ELOVL7: variants seen among roughly 807,000 people sequenced by gnomAD.
The protein encoded by ELOVL7 is very long chain fatty acid elongase 7.
Under a neutral mutation model 35.7 loss-of-function variants are expected in ELOVL7, and 27 were observed. The observed-to-expected ratio is 0.76, with a 90% CI of 0.56 to 1.04. The LOEUF (loss-of-function observed/expected upper bound fraction) is 1.04, where lower values mean the gene tolerates loss of function less well. Among genes scored for constraint, ELOVL7 ranks in the 50% least tolerant of loss-of-function variants. The pLI is 0.00. For synonymous variants in ELOVL7, 113 were observed against 114.6 expected (o/e 0.99, Z 0.09); for missense variants, 327 against 340.8 (o/e 0.96, Z 0.32).
intron 3 of ELOVL7, among the ~76,000 whole-genome samples, chr5:60,776,534 C>T (rs1454015243): frequency 6.6e-6 from 1 of 152,148 alleles, no homozygotes; most frequent in Non-Finnish European, 1.5e-5. Context: ...GAGTACTATG[C>T]AGTCATTAAA....
At chr5:60,809,216 C>T (rs1286621617) in intron 1 of ELOVL7, among the ~76,000 whole-genome samples, 1 of 151,912 alleles carries the variant, frequency 6.6e-6, no homozygotes, top group Non-Finnish European at 1.5e-5. Context: ...ATTGGTATGT[C>T]GAAGAATCTA....
chr5:60,842,413 G>A (rs1190485971), intron 1 of ELOVL7, among the ~76,000 whole-genome samples: 1 of 149,808 alleles, frequency 6.7e-6, no homozygotes, highest in Non-Finnish European at 1.5e-5. Context: ...TAAAACTGAA[G>A]AAGACATGGA....
intron 1 of ELOVL7, among the ~76,000 whole-genome samples, chr5:60,834,288 C>A (rs957293869): frequency 6.6e-6 from 1 of 151,998 alleles, no homozygotes; most frequent in African/African-American, 2.4e-5. Context: ...ATTACAGGTG[C>A]CCGCCACCAC....
intron 4 of ELOVL7, 125 bp from the exon 5 acceptor site, chr5:60,768,028 G>A: frequency 1.5e-6 from 1 of 651,320 alleles, no homozygotes; most frequent in Non-Finnish European, 2.7e-6. Flanking sequence ...AGAGGAAAAG[G>A]TAGCTGGAAC....
chr5:60,829,533 G>A (rs999231624), intron 1 of ELOVL7, among the ~76,000 whole-genome samples: 1 of 152,060 alleles, frequency 6.6e-6, no homozygotes, highest in Non-Finnish European at 1.5e-5. Context: ...TATTTACCAT[G>A]AAAAATATTA....
chr5:60,835,960 A>G (rs1239177919), intron 1 of ELOVL7, among the ~76,000 whole-genome samples: 1 of 152,042 alleles, frequency 6.6e-6, no homozygotes, highest in Non-Finnish European at 1.5e-5. Context: ...AGACTACTAG[A>G]AGCCACTGTT....
intron 3 of ELOVL7, among the ~76,000 whole-genome samples, chr5:60,776,192 T>C (rs780199615): frequency 2.6e-5 from 4 of 152,122 alleles, no homozygotes; most frequent in Non-Finnish European, 4.4e-5. Flanking sequence ...AAAGAAGACA[T>C]ACAAGCGGCC....
chr5:60,824,231 G>T (rs1561469296), intron 1 of ELOVL7, among the ~76,000 whole-genome samples: 1 of 152,170 alleles, frequency 6.6e-6, no homozygotes, highest in Non-Finnish European at 1.5e-5. Context: ...AAGAGAAGGA[G>T]GTATAAGAGA....
intron 3 of ELOVL7, among the ~76,000 whole-genome samples, chr5:60,781,212 GAAAA>G (rs34249182): frequency 8.0e-6 from 1 of 124,520 alleles, no homozygotes. Flanking sequence ...CCCTGTCTCA[GAAAA>G]AAAAAAAAAA....
At chr5:60,758,824 T>G (rs1353599074) in intron 7 of ELOVL7, among the ~76,000 whole-genome samples, 4 of 152,214 alleles carry the variant, frequency 2.6e-5, no homozygotes, top group Non-Finnish European at 5.9e-5. Context: ...AGCTTAGTAA[T>G]GTTGACCTGG....
intron 1 of ELOVL7, among the ~76,000 whole-genome samples, chr5:60,815,764 G>A (rs1745482201): frequency 6.6e-6 from 1 of 151,960 alleles, no homozygotes; most frequent in African/African-American, 2.4e-5. Flanking sequence ...TAGAGATGGG[G>A]TTTCACCATG....
rs765138464 is a variant in ELOVL7 at position 60,772,005 on chromosome 5, C to G, written c.153G>C (p.Leu51Phe). ...LGFYVYFVTS[L>F]GPKLMENRKP... Reference sequence around the variant, plus strand: ...TGCGATTTTCCATGAGCTTTGGTCCCAAGGAAGTGACAAAATAGACATAGA... The same window carrying G: ...TGCGATTTTCCATGAGCTTTGGTCCGAAGGAAGTGACAAAATAGACATAGA... Residue 51 changes from leucine to phenylalanine, a missense_variant, in exon 4 of 9, where the codon TTG (leucine) becomes TTC (phenylalanine). Leu to Phe is a conservative substitution (Grantham distance 22). Transcript: ENST00000508821. 1 of 1,613,786 alleles carries G rather than the reference C, an allele frequency of 6.2e-7. No individual in the cohort carries two copies. The highest frequency in any genetic ancestry group is 8.5e-7 in the Non-Finnish European group (1 of 1,179,836).
At chr5:60,820,786 TATG>T (rs1745837806) in intron 1 of ELOVL7, among the ~76,000 whole-genome samples, 2 of 152,198 alleles carry the variant, frequency 1.3e-5, no homozygotes, top group South Asian at 4.1e-4. Context: ...ATGCCATCTT[TATG>T]ATATTTCTCC....
intron 2 of ELOVL7, among the ~76,000 whole-genome samples, chr5:60,793,364 G>A (rs1032392295): frequency 1.3e-5 from 2 of 152,134 alleles, no homozygotes; most frequent in African/African-American, 4.8e-5. Flanking sequence ...TCATGAGACT[G>A]AACTGCAGCA....
At chr5:60,818,640 A>G (rs1230968550) in intron 1 of ELOVL7, among the ~76,000 whole-genome samples, 1 of 152,156 alleles carries the variant, frequency 6.6e-6, no homozygotes, top group Non-Finnish European at 1.5e-5. Flanking sequence ...ATAGCTTACT[A>G]AAAACAGATA....
rs147400033 is a variant in ELOVL7, at chr5:60,757,402, C to A, written c.636+107G>T. 4,571 of 1,150,640 alleles carry A rather than the reference C, an allele frequency of 4.0e-3. 18 individuals carry two copies. The highest frequency in any genetic ancestry group is 4.7e-3 in the Non-Finnish European group (3,841 of 811,378). 71.3% of individuals were successfully genotyped at this position (1,150,640 alleles called of 1,614,324 possible). On this transcript the variant is annotated intron_variant, in intron 8 of 8. Coordinates refer to ENST00000508821, the MANE Select transcript of ELOVL7 (RefSeq NM_024930.3). ...TCATGTAGGGGCCAGACGCTCTACCCCTATTGTTTTGTCTTTCTTCTTTAT... is the reference window on the plus strand; with the variant it reads ...TCATGTAGGGGCCAGACGCTCTACCACTATTGTTTTGTCTTTCTTCTTTAT...
At chr5:60,823,404 C>T (rs1455316921) in intron 1 of ELOVL7, among the ~76,000 whole-genome samples, 1 of 152,190 alleles carries the variant, frequency 6.6e-6, no homozygotes, top group East Asian at 1.9e-4. Flanking sequence ...ATTGACCTGC[C>T]TGGATGCAGG....
intron 8 of ELOVL7, 70 bp downstream of exon 8, chr5:60,757,439 C>G (rs1584143525): frequency 1.3e-6 from 2 of 1,488,286 alleles, no homozygotes; most frequent in East Asian, 4.5e-5. Context: ...TAACCAGTAT[C>G]CTAATTCACA....
intron 2 of ELOVL7, among the ~76,000 whole-genome samples, chr5:60,795,741 G>A (rs1744217546): frequency 6.6e-6 from 1 of 152,210 alleles, no homozygotes. Flanking sequence ...TCGGGCTAGA[G>A]GCTCGTCATT....
Sources: allele counts gnomAD v4.1 joint callset (sites outside exome capture counted in the v4.1 genomes callset), GRCh38; gene constraint gnomAD v4.1.1; transcripts MANE v1.5; gene names NCBI Gene and HGNC (gene_info 2026-07-23, HGNC 2026-07-21).